The following NFATC2 variants were observed in gnomAD, a reference collection of about 807,000 sequenced individuals.
The protein encoded by NFATC2 is nuclear factor of activated T cells 2.
NFATC2 carries 22 observed loss-of-function variants against 87.3 expected under a neutral mutation model. The ratio of observed to expected loss-of-function variants is 0.25; its 90% CI spans 0.18 to 0.36. NFATC2 has a LOEUF of 0.36. Among genes scored for constraint, NFATC2 ranks in the 10% least tolerant of loss-of-function variants. The pLI, the probability that NFATC2 is intolerant of heterozygous loss-of-function variation, is 1.00. For missense variants in NFATC2, 1,149 were observed against 1,259.1 expected, an observed-to-expected ratio of 0.91 and a Z score of 1.32; for synonymous variants, 565 against 542.2, an observed-to-expected ratio of 1.04 and a Z score of -0.58.
chr20:51,518,739 T>TAA (rs2076394268), intron 2 of NFATC2, among the ~76,000 whole-genome samples: 1 of 152,258 alleles, frequency 6.6e-6, no homozygotes, highest in African/African-American at 2.4e-5. Context: ...TACTCATTCA[T>TAA]TTATTGACTA....
chr20:51,422,244 T>A (rs192613622), intron 9 of NFATC2, among the ~76,000 whole-genome samples: 9 of 152,290 alleles, frequency 5.9e-5, no homozygotes, highest in Admixed American at 5.9e-4. Flanking sequence ...GACCAGAGAA[T>A]CCACTTCGGC....
Position 51,391,359 on chromosome 20 carries a change from G to T in NFATC2, c.*137C>A. On this transcript the variant is annotated 3_prime_UTR_variant, in exon 11 of 11. Transcript: ENST00000371564. ...GAGGGGCTGTGGAGGGCTCCGAGGG[G>T]TCAGATACAGAAGGTGTCTTGCTAT... 1 of 1,572,470 alleles carries T rather than the reference G, an allele frequency of 6.4e-7. No individual in the cohort carries two copies. The highest frequency in any genetic ancestry group is 8.7e-7 in the Non-Finnish European group (1 of 1,152,536).
At chr20:51,466,521 G>T (rs1469817089) in intron 5 of NFATC2, among the ~76,000 whole-genome samples, 1 of 151,046 alleles carries the variant, frequency 6.6e-6, no homozygotes, top group African/African-American at 2.4e-5. Context: ...AAAGGCATCA[G>T]AAATAGCTGA....
intron 9 of NFATC2, among the ~76,000 whole-genome samples, chr20:51,400,770 T>A (rs1000504698): frequency 1.3e-5 from 2 of 151,364 alleles, no homozygotes; most frequent in African/African-American, 4.9e-5. Flanking sequence ...TCTCCGGGGG[T>A]GGTGGTGAGA....
At chr20:51,395,641 G>GAAAAA (rs1986966167) in intron 10 of NFATC2, among the ~76,000 whole-genome samples, 1 of 144,452 alleles carries the variant, frequency 6.9e-6, no homozygotes. Context: ...ATGATCTCAG[G>GAAAAA]GTGACTACTA....
chr20:51,411,600 T>C (rs1979271302), intron 9 of NFATC2, among the ~76,000 whole-genome samples: 1 of 139,958 alleles, frequency 7.1e-6, no homozygotes, highest in Non-Finnish European at 1.5e-5. Context: ...CAGTCTCAGC[T>C]CACTGCAACC....
rs776278342 is a variant in NFATC2, at chr20:51,432,428, G to A, written c.2361C>T (p.His787=). 1.1e-5 allele frequency: 18 copies of A among 1,588,732 alleles called. No individual in the cohort carries two copies. The highest frequency in any genetic ancestry group is 2.2e-5 in the East Asian group (1 of 44,606). ...CTGAGCTCTGGCCCTGGGAGCCGGC[G>A]TGCACCAGCACAGAGCGGTGAGCGT... The part of the protein sequence containing the change: ...LADAHRSVLV[H]AGSQGQSSAL... The change falls in exon 9 of 11, where the codon CAC becomes CAT. Residue 787 remains histidine, a synonymous_variant. Transcript: ENST00000371564. This position sits in a 1 kb window ranked among gnomAD's most constrained non-coding sequence, Gnocchi z 4.6.
intron 1 of NFATC2, among the ~76,000 whole-genome samples, chr20:51,560,628 T>C (rs563387169): frequency 1.3e-5 from 2 of 152,334 alleles, no homozygotes; most frequent in African/African-American, 4.8e-5. Flanking sequence ...TCAAGCCAGC[T>C]GTCTCTGATG....
rs1986181407 is a variant in NFATC2 at position 51,390,327 on chromosome 20, C to A, written c.*1169G>T. The stretch of plus-strand genomic sequence containing the variant: ...GCTGTCCCACTTAGAGGGAATTCAG[C>A]CCTTTTCCTCTATCTTGGTAGAAAC... On this transcript the variant is annotated 3_prime_UTR_variant, in exon 11 of 11. Transcript: ENST00000371564. 6.6e-6 allele frequency: 1 copy of A among 152,234 alleles called. No individual in the cohort carries two copies. The highest frequency in any genetic ancestry group is 6.5e-5 in the Admixed American group (1 of 15,276). The allele number at this position is 152,234 out of a possible 1,614,324, so 9.4% of individuals were successfully genotyped here.
intron 3 of NFATC2, among the ~76,000 whole-genome samples, chr20:51,496,379 C>T (rs1306590878): frequency 6.6e-6 from 1 of 152,048 alleles, no homozygotes; most frequent in African/African-American, 2.4e-5. Flanking sequence ...GTTCCCTCAC[C>T]TCTGCACACC....
chr20:51,526,301 C>A (rs1430064812), intron 1 of NFATC2, among the ~76,000 whole-genome samples: 4 of 152,134 alleles, frequency 2.6e-5, no homozygotes, highest in African/African-American at 9.7e-5. Context: ...GACAACACAG[C>A]CAGCCTATTT....
chr20:51,489,294 C>G (rs964225931), intron 3 of NFATC2, among the ~76,000 whole-genome samples: 1 of 152,190 alleles, frequency 6.6e-6, no homozygotes, highest in Non-Finnish European at 1.5e-5. Flanking sequence ...CCTTGGAATT[C>G]CAGTGCTTGG....
chr20:51,543,704 T>C (rs1038226267), upstream of NFATC2, among the ~76,000 whole-genome samples: 1 of 152,160 alleles, frequency 6.6e-6, no homozygotes, highest in Non-Finnish European at 1.5e-5. Context: ...GACTCGTGAA[T>C]GTGTATTTTT....
intron 2 of NFATC2, among the ~76,000 whole-genome samples, chr20:51,518,891 C>G (rs932193757): frequency 2.0e-5 from 3 of 151,984 alleles, no homozygotes; most frequent in African/African-American, 7.2e-5. Context: ...GCCTCAAACT[C>G]CTGGGCTCAA....
intron 3 of NFATC2, among the ~76,000 whole-genome samples, chr20:51,512,900 A>G (rs1202714389): frequency 2.0e-5 from 3 of 152,204 alleles, no homozygotes; most frequent in Non-Finnish European, 4.4e-5. Flanking sequence ...AGCAGGCTAC[A>G]CTGCTCTTCT....
intron 1 of NFATC2, among the ~76,000 whole-genome samples, chr20:51,539,642 A>C (rs931967178): frequency 1.2e-4 from 18 of 152,172 alleles, no homozygotes; most frequent in African/African-American, 4.3e-4. Context: ...AGGCATGCGC[A>C]ACTAGGCTAG....
chr20:51,451,841 T>C (rs1985832990), intron 6 of NFATC2, among the ~76,000 whole-genome samples: 1 of 152,226 alleles, frequency 6.6e-6, no homozygotes, highest in Non-Finnish European at 1.5e-5. Flanking sequence ...AACCCCCAGA[T>C]GGGACTACCT....
At chr20:51,533,816 G>A (rs913879680) in intron 1 of NFATC2, among the ~76,000 whole-genome samples, 13 of 152,324 alleles carry the variant, frequency 8.5e-5, no homozygotes, top group Middle Eastern at 3.4e-3. Flanking sequence ...GCGCTGACAC[G>A]TATTGCTTTT....
Position 51,432,350 on chromosome 20 carries a change from G to A in NFATC2, c.2439C>T (p.Tyr813=), listed in dbSNP as rs368015813. ...TNQQASPVIH[Y]SPTNQQLRCG... ...AGCGCAGCTGCTGGTTGGTGGGTGA[G>A]TAGTGGATCACAGGCGAGGCCTGCT... is the stretch of plus-strand genomic sequence containing the variant. The change falls in exon 9 of 11, where the codon TAC becomes TAT. Residue 813 remains tyrosine, a synonymous_variant. Coordinates refer to ENST00000371564, the MANE Select transcript of NFATC2 (RefSeq NM_012340.5). The surrounding 1 kb of genome is among the most constrained non-coding windows in gnomAD (Gnocchi z 4.6). The A allele has an allele frequency of 9.3e-6, 15 of 1,613,936 alleles. No individual in the cohort carries two copies. The highest frequency in any genetic ancestry group is 2.2e-5 in the East Asian group (1 of 44,894).
Sources: allele counts gnomAD v4.1 joint callset (sites outside exome capture counted in the v4.1 genomes callset), GRCh38; gene constraint gnomAD v4.1.1; non-coding constraint Gnocchi (gnomAD v3.1); transcripts MANE v1.5; gene names NCBI Gene and HGNC (gene_info 2026-07-23, HGNC 2026-07-21).